PPM1N: variants seen among roughly 807,000 people sequenced by gnomAD.
PPM1N encodes probable protein phosphatase 1N.
PPM1N carries 35 observed loss-of-function variants against 32.6 expected under a neutral mutation model. The ratio of observed to expected loss-of-function variants is 1.07; its 90% CI spans 0.82 to 1.43. The LOEUF (loss-of-function observed/expected upper bound fraction) is 1.43, where lower values mean the gene tolerates loss of function less well. PPM1N is among the 40% of genes most tolerant of loss of function. The probability of loss-of-function intolerance (pLI) is 0.00; values close to 1 mark genes in which losing one functional copy is unlikely to be tolerated. For missense variants in PPM1N, 648 were observed against 606.6 expected (o/e 1.07, Z -0.72); for synonymous variants, 275 against 270.5 (o/e 1.02, Z -0.16).
At chr19:45,500,315 A>C in intron 2 of PPM1N, 141 bp from the exon 3 acceptor site, 1 of 810,872 alleles carries the variant, frequency 1.2e-6, no homozygotes, top group Non-Finnish European at 1.9e-6. Flanking sequence ...TTGTATTGTT[A>C]GTATAGACGG....
At position 45,498,585 on chromosome 19, in the gene PPM1N, C is replaced by T. The variant is rs1346712990; in HGVS notation, c.113C>T (p.Ala38Val). ...GAGGAGGAGGAGGCGGGGCGCAGGG[C>T]CCCCGAAGGGCCTCGGTCTCTGTTG... ...EEEEEEAGRR[A>V]PEGPRSLLTA... is the part of the protein sequence containing the mutation. Residue 38 changes from alanine to valine, a missense_variant, in exon 1 of 5, where the codon GCC becomes GTC. Ala to Val is a moderately conservative substitution (Grantham distance 64). Coordinates refer to ENST00000451287, the MANE Select transcript of PPM1N (RefSeq NM_001080401.2). 2 of 1,458,120 alleles carry T rather than the reference C, an allele frequency of 1.4e-6. No homozygotes were observed. The highest frequency in any genetic ancestry group is 9.0e-7 in the Non-Finnish European group (1 of 1,110,308). The allele number at this position is 1,458,120 out of a possible 1,614,324, so 90.3% of individuals were successfully genotyped here.
chr19:45,498,989 C>T lies in PPM1N; in HGVS notation c.517C>T (p.Arg173Trp). 1.3e-6 allele frequency: 2 copies of T among 1,564,130 alleles called. No individual in the cohort carries two copies. Among genetic ancestry groups the T allele is most frequent in the Non-Finnish European group, 1.7e-6 (2 of 1,164,364 alleles). ...GGCCGTGGTGTTGCTGGTCTCCCCG[C>T]GGTTTCTGTACCTGGCGCACTGCGG... ...CTAVVLLVSP[R>W]FLYLAHCGDS... Residue 173 changes from arginine to tryptophan, a missense_variant, in exon 1 of 5, where the codon CGG becomes TGG. Arg to Trp is a moderately radical substitution (Grantham distance 101, BLOSUM62 -3). Coordinates refer to ENST00000451287, the MANE Select transcript of PPM1N (RefSeq NM_001080401.2).
chr19:45,499,611 GGA>G, intron 1 of PPM1N, 200 bp downstream of exon 1: 5 of 1,549,484 alleles, frequency 3.2e-6, no homozygotes, highest in Non-Finnish European at 3.5e-6. Context: ...TTGAGGCACG[GGA>G]GAGTTAGTGG....
chr19:45,501,900 C>T (rs1968419464), intron 4 of PPM1N, 117 bp from the exon 5 acceptor site: 6 of 634,838 alleles, frequency 9.5e-6, no homozygotes, highest in Middle Eastern at 4.4e-4. Context: ...GGGTCCACTC[C>T]ATTCAAACCT....
intron 4 of PPM1N, among the ~76,000 whole-genome samples, chr19:45,501,649 G>A (rs934121665): frequency 6.6e-6 from 1 of 152,152 alleles, no homozygotes; most frequent in African/African-American, 2.4e-5. Context: ...ATCATGAATG[G>A]TCTCTTTTTA....
rs1352750949 is a variant in PPM1N at position 45,499,302 on chromosome 19, G to A, written c.830G>A (p.Trp277Ter). The A allele has an allele frequency of 1.9e-6, 3 of 1,613,144 alleles. No homozygotes were observed. Among genetic ancestry groups the A allele is most frequent in the Non-Finnish European group, 2.5e-6 (3 of 1,179,844 alleles). Residue 277 changes from tryptophan to a stop codon, truncating the protein, a stop_gained, in exon 1 of 5, where the codon TGG becomes TAG. Coordinates refer to ENST00000451287, the MANE Select transcript of PPM1N (RefSeq NM_001080401.2). LOFTEE classifies it high-confidence loss of function. ...ATGCTCCTGGCCTCTGATGGCGTCT[G>A]GGACACTGTGTCTGGTGCTGCCCTG... ...EFMLLASDGV[W>*]DTVSGAALAG... is the part of the protein sequence containing the mutation.
Position 45,498,612 on chromosome 19 carries a change from C to T in PPM1N, c.140C>T (p.Thr47Ile). 7.0e-7 allele frequency: 1 copy of T among 1,425,834 alleles called. No individual in the cohort carries two copies. The highest frequency in any genetic ancestry group is 9.1e-7 in the Non-Finnish European group (1 of 1,095,630). 88.3% of individuals were successfully genotyped at this position (1,425,834 alleles called of 1,614,324 possible). Residue 47 changes from threonine (T) to isoleucine (I), a missense_variant, in exon 1 of 5, where the codon ACA becomes ATA. Transcript: ENST00000451287. ...CCCGAAGGGCCTCGGTCTCTGTTGA[C>T]AGCGCCGCGCCGCGCCCAGCGGCCG... is the stretch of plus-strand genomic sequence containing the variant. ...RAPEGPRSLL[T>I]APRRAQRPHG...
chr19:45,498,723 G>T lies in PPM1N; in HGVS notation c.251G>T (p.Cys84Phe), dbSNP rs756223227. Residue 84 changes from cysteine (C) to phenylalanine (F), a missense_variant, in exon 1 of 5, where the codon TGC becomes TTC. Transcript: ENST00000451287. ...CGCGCGCGCATGGAGGATGCTCACTGCACTTGGCTTTCGTTACCTGGTCTG... is the reference window on the plus strand; with the variant it reads ...CGCGCGCGCATGGAGGATGCTCACTTCACTTGGCTTTCGTTACCTGGTCTG... ...GWRARMEDAH[C>F]TWLSLPGLPP... The T allele has an allele frequency of 1.3e-6, 2 of 1,545,136 alleles. No homozygotes were observed. Among genetic ancestry groups the T allele is most frequent in the African/African-American group, 2.8e-5 (2 of 70,446 alleles).
Position 45,498,595 on chromosome 19 carries a change from G to A in PPM1N, c.123G>A (p.Gly41=), listed in dbSNP as rs2068969895. The A allele has an allele frequency of 2.7e-6, 4 of 1,457,104 alleles. No individual in the cohort carries two copies. The highest frequency in any genetic ancestry group is 2.7e-6 in the Non-Finnish European group (3 of 1,109,524). 90.3% of individuals were successfully genotyped at this position (1,457,104 alleles called of 1,614,324 possible). A position where few individuals can be genotyped will look rare whatever the true frequency, so the allele number is the denominator to read the frequency against. ...EEEAGRRAPE[G]PRSLLTAPRR... is the part of the protein sequence containing the mutation. ...AGGCGGGGCGCAGGGCCCCCGAAGGGCCTCGGTCTCTGTTGACAGCGCCGC... is the reference window on the plus strand; with the variant it reads ...AGGCGGGGCGCAGGGCCCCCGAAGGACCTCGGTCTCTGTTGACAGCGCCGC... The change falls in exon 1 of 5, where the codon GGG becomes GGA. Residue 41 remains glycine, a synonymous_variant. Transcript: ENST00000451287.
Position 45,499,398 on chromosome 19 carries a change from CG to C in PPM1N, c.927del (p.Cys310ValfsTer10). The stretch of plus-strand genomic sequence containing the variant: ...CTTCTCTGCGCGCAGCTGTTGGACA[CG>C]TGTCTGTGCAAGGTCCTGGGGGCGT... ...PELLCAQLLD[T>X]CLCKGSLDNM... On this transcript the variant is annotated frameshift_variant, in exon 1 of 5. Transcript: ENST00000451287. LOFTEE classifies it high-confidence loss of function. 6.2e-7 allele frequency: 1 copy of C among 1,604,212 alleles called. No homozygotes were observed.
Position 45,498,753 on chromosome 19 carries a change from C to G in PPM1N, c.281C>G (p.Pro94Arg). Residue 94 changes from proline to arginine, a missense_variant, in exon 1 of 5, where the codon CCG (proline) becomes CGG (arginine). Transcript: ENST00000451287. ...TGGCTTTCGTTACCTGGTCTGCCCC[C>G]GGGCTGGGCCTTGTTTGCCGTCCTC... ...CTWLSLPGLP[P>R]GWALFAVLDG... 1 of 1,557,752 alleles carries G rather than the reference C, an allele frequency of 6.4e-7. No individual in the cohort carries two copies. The highest frequency in any genetic ancestry group is 8.6e-7 in the Non-Finnish European group (1 of 1,156,160).
rs562537527 is a variant in PPM1N, at chr19:45,499,811, G to A, written c.940-138G>A. The stretch of plus-strand genomic sequence containing the variant: ...CTAGGACCGGGTTTGGTCCCAGTAA[G>A]AGAGGATTGGCAGGTGGGTGGGACG... On this transcript the variant is annotated intron_variant, in intron 1 of 4. Coordinates refer to ENST00000451287, the MANE Select transcript of PPM1N (RefSeq NM_001080401.2). The A allele has an allele frequency of 4.1e-5, 61 of 1,495,736 alleles. No individual in the cohort carries two copies. The African/African-American group carries it at 8.1e-4, about 20-fold the overall frequency. 92.7% of individuals were successfully genotyped at this position (1,495,736 alleles called of 1,614,324 possible).
At position 45,500,561 on chromosome 19, in the gene PPM1N, A is replaced by C. The variant is rs376371652; in HGVS notation, c.1163A>C (p.Lys388Thr). ...CCTCCTGGGGGAGGGCTGGACTGCA[A>C]GTGAGTTGGGGTGAGGAAGGGTGGG... is the stretch of plus-strand genomic sequence containing the variant. ...DLPPGGGLDC[K>T]ATVIAEVYSQ... is the part of the protein sequence containing the mutation. The change falls in exon 3 of 5, where the codon AAG becomes ACG. Residue 388 changes from lysine (K) to threonine (T), a missense_variant and splice_region_variant. Lys to Thr is a moderately conservative substitution (Grantham distance 78). Transcript: ENST00000451287. 1.0e-5 allele frequency: 14 copies of C among 1,372,458 alleles called. No individual in the cohort carries two copies. Among genetic ancestry groups the C allele is most frequent in the Admixed American group, 7.2e-5 (4 of 55,652 alleles). 85.0% of individuals were successfully genotyped at this position (1,372,458 alleles called of 1,614,324 possible). A position where few individuals can be genotyped will look rare whatever the true frequency, so the allele number is the denominator to read the frequency against.
chr19:45,500,677 T>C lies in PPM1N; in HGVS notation c.1191T>C (p.Ser397=), dbSNP rs1472722797. 1.2e-6 allele frequency: 2 copies of C among 1,604,490 alleles called. No homozygotes were observed. The highest frequency in any genetic ancestry group is 1.7e-6 in the Non-Finnish European group (2 of 1,175,716). Residue 397 remains serine (S), a synonymous_variant, in exon 4 of 5, where the codon TCT becomes TCC. Transcript: ENST00000451287. The part of the protein sequence containing the change: ...CKATVIAEVY[S]QICQVSEECG... ...CCACTGTCATTGCTGAAGTTTATTC[T>C]CAGATCTGCCAGGTCTCAGAAGAGT...
chr19:45,502,178 G>A lies in PPM1N; in HGVS notation c.*93G>A, dbSNP rs532746494. On this transcript the variant is annotated 3_prime_UTR_variant, in exon 5 of 5. Transcript: ENST00000451287. ...CCTTTCCCCAACTACATGTACCAGCGGAAGGAAGGAAGGCCAATGTAGGAA... is the reference window on the plus strand; with the variant it reads ...CCTTTCCCCAACTACATGTACCAGCAGAAGGAAGGAAGGCCAATGTAGGAA... 9 of 951,558 alleles carry A rather than the reference G, an allele frequency of 9.5e-6. No homozygotes were observed. In the East Asian group the frequency reaches 1.3e-4, roughly 14 times the overall value. 58.9% of individuals were successfully genotyped at this position (951,558 alleles called of 1,614,324 possible). A position where few individuals can be genotyped will look rare whatever the true frequency, so the allele number is the denominator to read the frequency against.
In PPM1N at chr19:45,498,536, GAGA is replaced by G. The variant is rs940639957; in HGVS notation, c.67_69del (p.Lys23del). On this transcript the variant is annotated inframe_deletion, in exon 1 of 5. Transcript: ENST00000451287. ...GACCGCTTGCAAGAAAAAGGAGAGG[GAGA>G]AGGAGGGGAGGGAGGAAGAGGAGGA... 3.3e-5 allele frequency: 48 copies of G among 1,436,966 alleles called. 1 individual carries two copies. The African/African-American group carries it at 5.3e-4, about 16-fold the overall frequency. 89.0% of individuals were successfully genotyped at this position (1,436,966 alleles called of 1,614,324 possible). A position where few individuals can be genotyped will look rare whatever the true frequency, so the allele number is the denominator to read the frequency against.
intron 4 of PPM1N, 45 bp from the exon 5 acceptor site, chr19:45,501,972 C>T: frequency 1.5e-6 from 2 of 1,296,410 alleles, no homozygotes; most frequent in Non-Finnish European, 2.1e-6. Context: ...TGCCAGGAGA[C>T]AAGACAGAAT....
Position 45,498,683 on chromosome 19 carries a change from G to C in PPM1N, c.211G>C (p.Ala71Pro), listed in dbSNP as rs1207810402. 2 of 1,457,454 alleles carry C rather than the reference G, an allele frequency of 1.4e-6. No homozygotes were observed. Among genetic ancestry groups the C allele is most frequent in the African/African-American group, 1.5e-5 (1 of 67,234 alleles). The allele number at this position is 1,457,454 out of a possible 1,614,324, so 90.3% of individuals were successfully genotyped here. The stretch of plus-strand genomic sequence containing the variant: ...TGGGGGCCTGCGCTTCGGGGCGAGC[G>C]CAGCGCAAGGCTGGCGCGCGCGCAT... ...ASGGLRFGAS[A>P]AQGWRARMED... The change falls in exon 1 of 5, where the codon GCA (alanine) becomes CCA (proline). Residue 71 changes from alanine (A) to proline (P), a missense_variant. Ala to Pro is a conservative substitution (Grantham distance 27). Transcript: ENST00000451287.
chr19:45,499,358 G>T lies in PPM1N; in HGVS notation c.886G>T (p.Gly296Cys), dbSNP rs1171116831. The change falls in exon 1 of 5, where the codon GGC (glycine) becomes TGC (cysteine). Residue 296 changes from glycine to cysteine, a missense_variant. Coordinates refer to ENST00000451287, the MANE Select transcript of PPM1N (RefSeq NM_001080401.2). ...AGLVASRLRL[G>C]LAPELLCAQL... ...ACTGGTGGCTTCACGCCTCCGCTTG[G>T]GCCTGGCCCCAGAGCTTCTCTGCGC... The T allele has an allele frequency of 6.2e-7, 1 of 1,611,324 alleles. No individual in the cohort carries two copies. Among genetic ancestry groups the T allele is most frequent in the East Asian group, 2.2e-5 (1 of 44,884 alleles).
Sources: allele counts gnomAD v4.1 joint callset (sites outside exome capture counted in the v4.1 genomes callset), GRCh38; gene constraint gnomAD v4.1.1; transcripts MANE v1.5; gene names NCBI Gene and HGNC (gene_info 2026-07-23, HGNC 2026-07-21).